The following USP44 variants were observed in gnomAD, a reference collection of about 807,000 sequenced individuals.
USP44 encodes the protein ubiquitin carboxyl-terminal hydrolase 44.
In USP44, 61 loss-of-function variants were observed where a neutral mutation model predicts 69.0. The observed-to-expected ratio is 0.88, with a 90% CI of 0.72 to 1.09. The LOEUF (loss-of-function observed/expected upper bound fraction) is 1.09, where lower values mean the gene tolerates loss of function less well. Among genes scored for constraint, USP44 ranks in the 50% least tolerant of loss-of-function variants. USP44 has a pLI of 0.00. For synonymous variants in USP44, 297 were observed against 295.4 expected (o/e 1.01, Z -0.06); for missense variants, 753 against 849.9 (o/e 0.89, Z 1.42).
chr12:95,549,683 C>T (rs894139144), intron 1 of USP44, among the ~76,000 whole-genome samples: 2 of 152,148 alleles, frequency 1.3e-5, no homozygotes, highest in Non-Finnish European at 2.9e-5. Context: ...CAATGCAGTG[C>T]AAAATCTTGC....
intron 1 of USP44, among the ~76,000 whole-genome samples, chr12:95,541,261 G>A (rs1403431766): frequency 6.6e-6 from 1 of 152,154 alleles, no homozygotes; most frequent in East Asian, 1.9e-4. Context: ...GGGCGACAGA[G>A]TGAAACTCTG....
intron 4 of USP44, among the ~76,000 whole-genome samples, chr12:95,521,587 T>C (rs545877022): frequency 6.6e-6 from 1 of 152,266 alleles, no homozygotes; most frequent in Admixed American, 6.5e-5. Flanking sequence ...CTGCAGCCTC[T>C]GCCTCTCAGG....
In USP44 at chr12:95,533,787, A is replaced by G; in HGVS notation, c.470T>C (p.Leu157Pro). ...CCATGTTCGAAAGATTTTACCCATTAGTATCCTTCTCCTGTGCCAAAGAGC... is the reference window on the plus strand; with the variant it reads ...CCATGTTCGAAAGATTTTACCCATTGGTATCCTTCTCCTGTGCCAAAGAGC... ...YTALWHRRRI[L>P]MGKIFRTWFE... is the part of the protein sequence containing the mutation. The change falls in exon 2 of 6, where the codon CTA becomes CCA. Residue 157 changes from leucine (L) to proline (P), a missense_variant. By Grantham distance (98) the Leu-to-Pro change is moderately conservative. Coordinates refer to ENST00000258499, the MANE Select transcript of USP44 (RefSeq NM_032147.5). The G allele has an allele frequency of 6.2e-7, 1 of 1,614,166 alleles. No individual in the cohort carries two copies. The highest frequency in any genetic ancestry group is 1.1e-5 in the South Asian group (1 of 91,078).
intron 1 of USP44, among the ~76,000 whole-genome samples, chr12:95,537,589 T>G (rs1021222803): frequency 9.2e-5 from 14 of 152,160 alleles, no homozygotes; most frequent in Admixed American, 1.3e-4. Flanking sequence ...AGTGCTGGGA[T>G]TACAGTCATG....
In USP44 at chr12:95,533,166, C is replaced by T. The variant is rs773538575; in HGVS notation, c.1091G>A (p.Arg364Lys). ...CTTTGGCTGAATAAGTTCCATCTTTCTACCTTTTGATGCTCCACCACTTAG... is the reference window on the plus strand; with the variant it reads ...CTTTGGCTGAATAAGTTCCATCTTTTTACCTTTTGATGCTCCACCACTTAG... ...SGLSGGASKG[R>K]KMELIQPKEP... The change falls in exon 2 of 6, where the codon AGA becomes AAA. Residue 364 changes from arginine (R) to lysine (K), a missense_variant. By Grantham distance (26) the Arg-to-Lys change is conservative (BLOSUM62 2). Coordinates refer to ENST00000258499, the MANE Select transcript of USP44 (RefSeq NM_032147.5). The T allele has an allele frequency of 2.5e-6, 4 of 1,614,198 alleles. No homozygotes were observed. Among genetic ancestry groups the T allele is most frequent in the Admixed American group, 3.3e-5 (2 of 60,016 alleles).
Position 95,521,132 on chromosome 12 carries a change from G to A in USP44, c.1804C>T (p.Pro602Ser), listed in dbSNP as rs74762990. The change falls in exon 5 of 6, where the codon CCC (proline) becomes TCC (serine). Residue 602 changes from proline (P) to serine (S), a missense_variant. Coordinates refer to ENST00000258499, the MANE Select transcript of USP44 (RefSeq NM_032147.5). ...VGFEEILNME[P>S]YCCRETLKSL... ...TTCAGGGTCTCCCTGCAGCAATAGG[G>A]CTCCATGTTTAAGATTTCCTCAAAG... 1.0e-3 allele frequency: 1,660 copies of A among 1,614,038 alleles called. 31 individuals are homozygous for A. In the East Asian group the frequency reaches 0.034, roughly 33 times the overall value.
chr12:95,527,544 G>T (rs957049957), intron 3 of USP44, among the ~76,000 whole-genome samples: 1 of 152,106 alleles, frequency 6.6e-6, no homozygotes, highest in African/African-American at 2.4e-5. Context: ...GAGTGCAGTG[G>T]CACGATCTTG....
At chr12:95,532,341 T>C (rs572982576) in intron 2 of USP44, among the ~76,000 whole-genome samples, 2 of 152,246 alleles carry the variant, frequency 1.3e-5, no homozygotes, top group African/African-American at 4.8e-5. Flanking sequence ...CTAGCTTTTG[T>C]ATTTTTAGTA....
chr12:95,523,742 C>T (rs372688577), intron 4 of USP44, among the ~76,000 whole-genome samples: 17 of 145,602 alleles, frequency 1.2e-4, no homozygotes, highest in South Asian at 4.4e-4. Flanking sequence ...AATAAGGTAA[C>T]ACTATACTCA....
intron 4 of USP44, among the ~76,000 whole-genome samples, chr12:95,523,809 A>C (rs2076745165): frequency 6.6e-6 from 1 of 151,830 alleles, no homozygotes; most frequent in South Asian, 2.1e-4. Context: ...ACAGGCACAC[A>C]CAGGGGACAT....
In USP44 at chr12:95,548,050, T is replaced by C. The variant is rs1217580746; in HGVS notation, c.-71+3222A>G. ...ACACTGACATATTTCTTATCCCCCA[T>C]AATGAATTCAGCCATATGGCATTCT... On this transcript the variant is annotated intron_variant, in intron 1 of 5. Coordinates refer to ENST00000258499, the MANE Select transcript of USP44 (RefSeq NM_032147.5). The surrounding 1 kb of genome is among the most constrained non-coding windows in gnomAD (Gnocchi z 4.1). 1.3e-5 allele frequency: 2 copies of C among 152,154 alleles called. No homozygotes were observed. Among genetic ancestry groups the C allele is most frequent in the East Asian group, 1.9e-4 (1 of 5,192 alleles). 9.4% of individuals were successfully genotyped at this position (152,154 alleles called of 1,614,324 possible).
chr12:95,518,240 A>T lies in USP44; in HGVS notation c.2053T>A (p.Ser685Thr), dbSNP rs990648164. The change falls in exon 6 of 6, where the codon TCT becomes ACT. Residue 685 changes from serine (S) to threonine (T), a missense_variant. Ser to Thr is a moderately conservative substitution (Grantham distance 58). Coordinates refer to ENST00000258499, the MANE Select transcript of USP44 (RefSeq NM_032147.5). ...YTQRVTENGH[S>T]KLLPPELLLG... is the part of the protein sequence containing the mutation. ...AGGAGCTCTGGAGGCAAAAGTTTAGAATGTCCATTCTCAGTAACTCGTTGG... is the reference window on the plus strand; with the variant it reads ...AGGAGCTCTGGAGGCAAAAGTTTAGTATGTCCATTCTCAGTAACTCGTTGG... 10 of 1,614,076 alleles carry T rather than the reference A, an allele frequency of 6.2e-6. No homozygotes were observed. The Admixed American group carries it at 1.0e-4, about 16-fold the overall frequency.
At chr12:95,544,541 C>T (rs984554615) in intron 1 of USP44, among the ~76,000 whole-genome samples, 4 of 151,800 alleles carry the variant, frequency 2.6e-5, no homozygotes, top group Admixed American at 2.0e-4. Context: ...ATCTAATTGG[C>T]GTAATCAGTA....
intron 1 of USP44, among the ~76,000 whole-genome samples, chr12:95,536,037 T>C (rs2077189029): frequency 2.1e-5 from 3 of 143,478 alleles, no homozygotes; most frequent in Admixed American, 1.4e-4. Flanking sequence ...TCCTTTTTTT[T>C]CCTTTTTTTT....
At chr12:95,522,077 T>G (rs1001501639) in intron 4 of USP44, 2 of 985,334 alleles carry the variant, frequency 2.0e-6, no homozygotes, top group African/African-American at 3.5e-5. Context: ...GATCTCAGCA[T>G]GGCAAGCAAT....
At chr12:95,537,617 G>A (rs903708872) in intron 1 of USP44, among the ~76,000 whole-genome samples, 5 of 152,026 alleles carry the variant, frequency 3.3e-5, no homozygotes, top group African/African-American at 7.2e-5. Flanking sequence ...ACGCCAGGCC[G>A]AAAATAATTA....
rs990997714 is a variant in USP44, at chr12:95,530,946, C to A, written c.1428+1883G>T. 4.6e-5 allele frequency among the ~76,000 whole-genome samples: 7 copies of A among 152,142 alleles called. No individual in the cohort carries two copies. The South Asian group carries it at 6.2e-4, about 14-fold the overall frequency. On this transcript the variant is annotated intron_variant, in intron 2 of 5. Coordinates refer to ENST00000258499, the MANE Select transcript of USP44 (RefSeq NM_032147.5). Reference sequence around the variant, plus strand: ...TTGGGAGGCCGAGGCGCGTGGATCACAAGGTCAGGAGATCGAGACCATCCT... The same window carrying A: ...TTGGGAGGCCGAGGCGCGTGGATCAAAAGGTCAGGAGATCGAGACCATCCT...
At chr12:95,542,750 CA>C (rs886304133) in intron 1 of USP44, among the ~76,000 whole-genome samples, 6 of 132,902 alleles carry the variant, frequency 4.5e-5, no homozygotes, top group East Asian at 2.3e-4. Flanking sequence ...GACTCCATCT[CA>C]AAAAAAAAAC....
chr12:95,520,949 C>T, intron 5 of USP44, 48 bp downstream of exon 5: 1 of 1,572,970 alleles, frequency 6.4e-7, no homozygotes, highest in Non-Finnish European at 8.7e-7. Flanking sequence ...AGCCTGAACT[C>T]CAGCCTCCAA....
Sources: gnomAD v4.1 joint callset for allele counts (sites outside exome capture counted in the v4.1 genomes callset) on GRCh38, gnomAD v4.1.1 for gene constraint, Gnocchi (gnomAD v3.1) non-coding constraint, MANE v1.5 for transcripts, NCBI Gene and HGNC (gene_info 2026-07-23, HGNC 2026-07-21) for gene names.